The following SPECC1 variants were observed in gnomAD, a reference collection of about 807,000 sequenced individuals.
SPECC1 encodes cytospin-B.
SPECC1 carries 62 observed loss-of-function variants against 104.1 expected under a neutral mutation model. The ratio of observed to expected loss-of-function variants is 0.60; its 90% confidence interval spans 0.49 to 0.74. The LOEUF is 0.74. SPECC1 is among the 30% of genes least tolerant of loss of function. The pLI, the probability that SPECC1 is intolerant of heterozygous loss-of-function variation, is 0.00. For missense variants in SPECC1, 1,306 were observed against 1,310.5 expected (o/e 1.00, Z 0.05); for synonymous variants, 513 against 501.6 (o/e 1.02, Z -0.30).
At chr17:20,244,294 G>A (rs1300083824) in intron 7 of SPECC1, among the ~76,000 whole-genome samples, 1 of 152,162 alleles carries the variant, frequency 6.6e-6, no homozygotes, top group East Asian at 1.9e-4. Context: ...AGCACAGACC[G>A]AGGAAATTAT....
rs764875903 is a variant in SPECC1, at chr17:20,032,967, TA to T, written c.-22+23544del. ...ACACACACACACATATATATATGTA[TA>T]TTTTTTTTTTTTTTGAGGTGGAGTC... On this transcript the variant is annotated intron_variant, in intron 1 of 14. Coordinates refer to ENST00000395527, the MANE Select transcript of SPECC1 (RefSeq NM_001243439.2). Among the ~76,000 whole-genome samples the T allele has an allele frequency of 3.6e-3, 546 of 151,298 alleles. 1 individual carries two copies. The highest frequency in any genetic ancestry group is 0.01 in the Middle Eastern group (3 of 292).
At chr17:20,166,048 T>G (rs1053740399) in intron 3 of SPECC1, among the ~76,000 whole-genome samples, 11 of 152,234 alleles carry the variant, frequency 7.2e-5, no homozygotes, top group Admixed American at 6.5e-4. Context: ...ATATCTTTCT[T>G]GGCTTTGTCT....
chr17:20,015,331 G>A (rs1290272611), intron 1 of SPECC1, among the ~76,000 whole-genome samples: 1 of 142,976 alleles, frequency 7.0e-6, no homozygotes, highest in African/African-American at 2.6e-5. Flanking sequence ...GTATTGCTGT[G>A]TTGCCCAGGC....
chr17:20,117,529 A>G (rs975910188), intron 3 of SPECC1, among the ~76,000 whole-genome samples: 2 of 151,992 alleles, frequency 1.3e-5, no homozygotes, highest in Non-Finnish European at 2.9e-5. Context: ...GCTCATGCCT[A>G]TAATCCCAGC....
In SPECC1 at chr17:20,213,469, G is replaced by A. The variant is rs554976550; in HGVS notation, c.1863+7557G>A. The stretch of plus-strand genomic sequence containing the variant: ...AAGAAGAGACAGAAAAACACTTAAA[G>A]CAGACCTAAGACTAATAGTTGTCAC... On this transcript the variant is annotated intron_variant, in intron 4 of 14. Coordinates refer to ENST00000395527, the MANE Select transcript of SPECC1 (RefSeq NM_001243439.2). Among the ~76,000 whole-genome samples the A allele has an allele frequency of 8.5e-5, 13 of 152,260 alleles. No homozygotes were observed. The East Asian group carries it at 2.5e-3, about 29-fold the overall frequency.
intron 12 of SPECC1, among the ~76,000 whole-genome samples, chr17:20,265,937 T>C (rs2040201653): frequency 2.0e-5 from 3 of 152,188 alleles, no homozygotes; most frequent in Non-Finnish European, 2.9e-5. Context: ...TGTGTATGTG[T>C]CTGTTTTTAT....
chr17:20,247,708 A>AT (rs1567982163), intron 9 of SPECC1, among the ~76,000 whole-genome samples: 1 of 152,232 alleles, frequency 6.6e-6, no homozygotes, highest in Non-Finnish European at 1.5e-5. Context: ...TGTTCTACTG[A>AT]TAGAAGTTAG....
At position 20,232,208 on chromosome 17, in the gene SPECC1, C is replaced by G; in HGVS notation, c.2154C>G (p.Thr718=). ...KTLTKQMKEE[T]EEWRRFQADL... ...GGCTCTGACATTTTCAGGAGGAGAC[C>G]GAGGAATGGAGGCGGTTCCAGGCGG... is the stretch of plus-strand genomic sequence containing the variant. Residue 718 remains threonine (T), a synonymous_variant, in exon 7 of 15, where the codon ACC becomes ACG. Transcript: ENST00000395527. 1 of 1,613,922 alleles carries G rather than the reference C, an allele frequency of 6.2e-7. No homozygotes were observed. Among genetic ancestry groups the G allele is most frequent in the Non-Finnish European group, 8.5e-7 (1 of 1,180,032 alleles).
At chr17:20,020,337 A>T (rs1276620819) in intron 1 of SPECC1, among the ~76,000 whole-genome samples, 3 of 150,826 alleles carry the variant, frequency 2.0e-5, no homozygotes, top group Admixed American at 6.6e-5. Flanking sequence ...CTGTTTTTTT[A>T]TTTTTTTTAT....
At chr17:20,287,150 G>C (rs1253965999) in intron 12 of SPECC1, among the ~76,000 whole-genome samples, 2 of 152,200 alleles carry the variant, frequency 1.3e-5, no homozygotes, top group African/African-American at 4.8e-5. Flanking sequence ...GGGCGCGGGT[G>C]CTCACGCCTG....
intron 1 of SPECC1, among the ~76,000 whole-genome samples, chr17:20,025,832 G>A (rs748166052): frequency 2.6e-5 from 4 of 152,238 alleles, no homozygotes; most frequent in East Asian, 1.9e-4. Flanking sequence ...CAACAGCAGC[G>A]AATGAGGTTT....
intron 9 of SPECC1, among the ~76,000 whole-genome samples, chr17:20,252,543 G>A (rs1157604827): frequency 2.0e-5 from 3 of 152,016 alleles, no homozygotes; most frequent in Non-Finnish European, 4.4e-5. Flanking sequence ...GAGGCCTCTG[G>A]GAGCCACCAC....
rs762643888 is a variant in SPECC1 at position 20,317,259 on chromosome 17, A to AT, written c.*3215dup. 9.7e-3 allele frequency: 676 copies of AT among 69,674 alleles called. 22 individuals carry two copies. Among genetic ancestry groups the AT allele is most frequent in the East Asian group, 0.052 (66 of 1,264 alleles). The allele number at this position is 69,674 out of a possible 1,614,324, so 4.3% of individuals were successfully genotyped here. ...GCAAGACCTCTGACTCTATAAAAAA[A>AT]TTTTTTTTTTTTTTTTTTTTTGAGA... On this transcript the variant is annotated 3_prime_UTR_variant, in exon 15 of 15. Transcript: ENST00000395527.
chr17:20,246,059 T>C lies in SPECC1; in HGVS notation c.2485T>C (p.Leu829=). The C allele has an allele frequency of 6.2e-7, 1 of 1,614,116 alleles. No homozygotes were observed. The highest frequency in any genetic ancestry group is 1.7e-5 in the Admixed American group (1 of 60,010). ...TVKSLIKSFD[L]GRPGGAGQNI... ...TAAGTCACTTATCAAGTCATTTGAC[T>C]TGGGACGCCCAGGTATTTAATCATT... The change falls in exon 8 of 15, where the codon TTG becomes CTG. Residue 829 remains leucine (L), a synonymous_variant. Transcript: ENST00000395527.
chr17:20,064,426 T>C (rs1157418975), intron 1 of SPECC1, among the ~76,000 whole-genome samples: 3 of 152,260 alleles, frequency 2.0e-5, no homozygotes, highest in Non-Finnish European at 2.9e-5. Flanking sequence ...TTTCTCTTTC[T>C]GGCTAATTAA....
intron 1 of SPECC1, among the ~76,000 whole-genome samples, chr17:20,019,834 T>A (rs993751278): frequency 2.0e-5 from 3 of 152,154 alleles, no homozygotes; most frequent in Admixed American, 6.5e-5. Flanking sequence ...GGCCATCAGC[T>A]CTGCTCACAG....
chr17:20,301,605 G>T (rs2041586025), intron 13 of SPECC1, among the ~76,000 whole-genome samples: 1 of 152,090 alleles, frequency 6.6e-6, no homozygotes, highest in South Asian at 2.1e-4. Flanking sequence ...ATTAAGTAGA[G>T]AATTTCTGAT....
chr17:20,129,560 T>G (rs1291354164), intron 3 of SPECC1, among the ~76,000 whole-genome samples: 1 of 152,082 alleles, frequency 6.6e-6, no homozygotes, highest in African/African-American at 2.4e-5. Context: ...CTTTATTGGA[T>G]ATGTGGTCTG....
rs1047387012 is a variant in SPECC1, at chr17:20,318,443, G to A, written c.*4378G>A. ...CCCAAGTAGATGCAGGTGGGTGTTAGATAAAAACACACATCCCCAGGGGAC... is the reference window on the plus strand; with the variant it reads ...CCCAAGTAGATGCAGGTGGGTGTTAAATAAAAACACACATCCCCAGGGGAC... On this transcript the variant is annotated 3_prime_UTR_variant, in exon 15 of 15. Transcript: ENST00000395527. 9 of 231,488 alleles carry A rather than the reference G, an allele frequency of 3.9e-5. No individual in the cohort carries two copies. Among genetic ancestry groups the A allele is most frequent in the Non-Finnish European group, 6.8e-5 (8 of 117,032 alleles). 14.3% of individuals were successfully genotyped at this position (231,488 alleles called of 1,614,324 possible). A position where few individuals can be genotyped will look rare whatever the true frequency, so the allele number is the denominator to read the frequency against.
Sources: allele counts gnomAD v4.1 joint callset (sites outside exome capture counted in the v4.1 genomes callset), GRCh38; gene constraint gnomAD v4.1.1; transcripts MANE v1.5; gene names NCBI Gene and HGNC (gene_info 2026-07-23, HGNC 2026-07-21).